LYG2: variants seen among roughly 807,000 people sequenced by gnomAD.
The protein encoded by LYG2 is lysozyme g2.
Under a neutral mutation model 22.4 loss-of-function variants are expected in LYG2, and 25 were observed. The ratio of observed to expected loss-of-function variants is 1.12; its 90% CI spans 0.81 to 1.56. The LOEUF (loss-of-function observed/expected upper bound fraction) is 1.56. Among genes scored for constraint, LYG2 ranks in the 40% most tolerant of loss-of-function variants. The pLI is 0.00. For synonymous variants in LYG2, 88 were observed against 97.0 expected (o/e 0.91, Z 0.55); for missense variants, 266 against 269.5 (o/e 0.99, Z 0.09).
chr2:99,246,696 G>C lies in LYG2; in HGVS notation c.168C>G (p.Asn56Lys). 1 of 1,613,982 alleles carries C rather than the reference G, an allele frequency of 6.2e-7. No individual in the cohort carries two copies. ...TTCACTTACCGCAGTTCATCACACT[G>C]TTTGCATCACAAGTGGCCCCAGAGG... ...MKTSGATCDA[N>K]SVMNCGIRGS... The change falls in exon 4 of 7, where the codon AAC becomes AAG. Residue 56 changes from asparagine (N) to lysine (K), a missense_variant. Coordinates refer to ENST00000333017, the MANE Select transcript of LYG2 (RefSeq NM_175735.4).
chr2:99,245,753 A>G (rs930732528), intron 4 of LYG2, among the ~76,000 whole-genome samples: 5 of 152,206 alleles, frequency 3.3e-5, no homozygotes, highest in African/African-American at 1.2e-4. Flanking sequence ...AACCATTCTA[A>G]GACATCCTTT....
At chr2:99,250,660 C>T (rs780901145) in intron 3 of LYG2, among the ~76,000 whole-genome samples, 56 of 152,308 alleles carry the variant, frequency 3.7e-4, no homozygotes, top group African/African-American at 9.4e-4. Flanking sequence ...AGGCGTGAGC[C>T]ACCACGCCTG....
chr2:99,251,272 T>A (rs1352213287), intron 3 of LYG2, among the ~76,000 whole-genome samples: 7 of 152,114 alleles, frequency 4.6e-5, no homozygotes, highest in Non-Finnish European at 1.0e-4. Flanking sequence ...TATAACAAAT[T>A]GAAAGATTAA....
chr2:99,243,322 T>C, intron 6 of LYG2: 1 of 941,082 alleles, frequency 1.1e-6, no homozygotes, highest in Non-Finnish European at 1.6e-6. Flanking sequence ...TAATTCCATC[T>C]GGGAGATGCT....
chr2:99,243,547 T>G, intron 6 of LYG2: 1 of 1,497,596 alleles, frequency 6.7e-7, no homozygotes, highest in Non-Finnish European at 9.0e-7. Context: ...GATAAATTTT[T>G]TTTTGAGAGA....
chr2:99,248,745 A>G (rs1422007844), intron 3 of LYG2, among the ~76,000 whole-genome samples: 1 of 149,920 alleles, frequency 6.7e-6, no homozygotes, highest in African/African-American at 2.5e-5. Context: ...ATAATAAAAT[A>G]AAATAAAATA....
intron 3 of LYG2, among the ~76,000 whole-genome samples, chr2:99,247,958 G>A (rs1165938973): frequency 1.3e-5 from 2 of 152,172 alleles, no homozygotes; most frequent in Non-Finnish European, 2.9e-5. Context: ...AGACATTTAT[G>A]CAGCCAAAAA....
chr2:99,248,174 C>T (rs1321444333), intron 3 of LYG2, among the ~76,000 whole-genome samples: 3 of 152,034 alleles, frequency 2.0e-5, no homozygotes, highest in Non-Finnish European at 4.4e-5. Flanking sequence ...GTCAGTGTGG[C>T]GATTCCTCAG....
At position 99,242,482 on chromosome 2, in the gene LYG2, C is replaced by T; in HGVS notation, c.521G>A (p.Gly174Asp). The T allele has an allele frequency of 6.3e-7, 1 of 1,591,998 alleles. No homozygotes were observed. Among genetic ancestry groups the T allele is most frequent in the East Asian group, 2.2e-5 (1 of 44,596 alleles). ...TCCTGACTTAAAAGCTGAGAGACCACCTGAAATGAAACACAGAGAATTAGG... is the reference window on the plus strand; with the variant it reads ...TCCTGACTTAAAAGCTGAGAGACCATCTGAAATGAAACACAGAGAATTAGG... ...PTWSVAQHLK[G>D]GLSAFKSGIE... The change falls in exon 7 of 7, where the codon GGT (glycine) becomes GAT (aspartate). Residue 174 changes from glycine to aspartate, a missense_variant and splice_region_variant. Physicochemically the swap from Gly to Asp is moderately conservative, Grantham distance 94. Transcript: ENST00000333017.
intron 6 of LYG2, chr2:99,243,693 C>CT (rs999579137): frequency 0.044 from 6,902 of 156,774 alleles, 111 homozygotes; most frequent in South Asian, 0.078. Flanking sequence ...CCATGCCCAG[C>CT]TTTTTTTTTT....
At chr2:99,248,857 A>T (rs892614761) in intron 3 of LYG2, among the ~76,000 whole-genome samples, 1 of 152,196 alleles carries the variant, frequency 6.6e-6, no homozygotes, top group East Asian at 1.9e-4. Flanking sequence ...TTCTTATTAT[A>T]TATCATTTAC....
At chr2:99,253,854 C>T (rs1316326025) in intron 3 of LYG2, among the ~76,000 whole-genome samples, 2 of 152,064 alleles carry the variant, frequency 1.3e-5, no homozygotes, top group Non-Finnish European at 2.9e-5. Context: ...CCCACCTATA[C>T]ACATTGAACT....
At chr2:99,242,505 A>G (rs1387584096) in intron 6 of LYG2, 23 bp from the exon 7 acceptor site, 2 of 1,459,946 alleles carry the variant, frequency 1.4e-6, no homozygotes, top group African/African-American at 1.4e-5. Flanking sequence ...ACAGAGAATT[A>G]GGCTCAAATA....
chr2:99,248,947 A>G (rs962421042), intron 3 of LYG2, among the ~76,000 whole-genome samples: 2 of 152,124 alleles, frequency 1.3e-5, no homozygotes, highest in Non-Finnish European at 2.9e-5. Context: ...AGTCAAATCT[A>G]TTCTTGTCTT....
In LYG2 at chr2:99,251,981, G is replaced by C. The variant is rs1380422049; in HGVS notation, c.43+2237C>G. ...TGGCTAATTTTTTGTATTTTTAGTA[G>C]AGATGGTGTATCACTGTGTTAGCCA... On this transcript the variant is annotated intron_variant, in intron 3 of 6. Transcript: ENST00000333017. Among the ~76,000 whole-genome samples, 6 of 94,478 alleles carry C rather than the reference G, an allele frequency of 6.4e-5. 1 individual carries two copies. Among genetic ancestry groups the C allele is most frequent in the African/African-American group, 2.0e-4 (6 of 29,414 alleles). 62.0% of individuals were successfully genotyped at this position (94,478 alleles called of 152,430 possible). A position where few individuals can be genotyped will look rare whatever the true frequency, so the allele number is the denominator to read the frequency against.
intron 2 of LYG2, among the ~76,000 whole-genome samples, chr2:99,254,643 C>T (rs941396497): frequency 6.6e-6 from 1 of 152,096 alleles, no homozygotes; most frequent in Non-Finnish European, 1.5e-5. Context: ...ATTCACCCTA[C>T]CCCTGGCTTC....
Position 99,244,089 on chromosome 2 carries a change from G to A in LYG2, c.430C>T (p.His144Tyr), listed in dbSNP as rs1274575389. 3.1e-6 allele frequency: 5 copies of A among 1,613,856 alleles called. No individual in the cohort carries two copies. The African/African-American group carries it at 6.7e-5, about 22-fold the overall frequency. The part of the protein sequence containing the change: ...HPVGAWDSKE[H>Y]LSQATGILTE... Reference sequence around the variant, plus strand: ...AGAATCCCAGTAGCCTGTGAAAGGTGCTCTTTGCTATCCCAGGCACCGACA... The same window carrying A: ...AGAATCCCAGTAGCCTGTGAAAGGTACTCTTTGCTATCCCAGGCACCGACA... The change falls in exon 6 of 7, where the codon CAC becomes TAC. Residue 144 changes from histidine (H) to tyrosine (Y), a missense_variant. Transcript: ENST00000333017.
intron 3 of LYG2, among the ~76,000 whole-genome samples, chr2:99,251,314 C>T (rs565613567): frequency 8.3e-4 from 127 of 152,266 alleles, no homozygotes; most frequent in Non-Finnish European, 1.5e-3. Flanking sequence ...TCTTAAGTGA[C>T]TTTAAAATAT....
chr2:99,244,227 T>C, intron 5 of LYG2, 90 bp from the exon 6 acceptor site: 2 of 1,309,534 alleles, frequency 1.5e-6, no homozygotes, highest in South Asian at 1.4e-5. Flanking sequence ...ATTCAAGTCA[T>C]AGATACCGGC....
Sources: gnomAD v4.1 joint callset for allele counts (sites outside exome capture counted in the v4.1 genomes callset) on GRCh38, gnomAD v4.1.1 for gene constraint, MANE v1.5 for transcripts, NCBI Gene and HGNC (gene_info 2026-07-23, HGNC 2026-07-21) for gene names.